The following HTR2C variants were observed in gnomAD, a reference collection of about 807,000 sequenced individuals.
HTR2C encodes 5-hydroxytryptamine (serotonin) receptor 2C, G protein-coupled.
A neutral mutation model predicts 21.0 loss-of-function variants in HTR2C; 5 were observed. The observed-to-expected ratio is 0.24, with a 90% CI of 0.12 to 0.50. The LOEUF is 0.50. HTR2C is among the 20% of genes least tolerant of loss of function. The pLI is 0.98. For missense variants in HTR2C, 271 were observed against 371.2 expected (o/e 0.73, Z 2.22); for synonymous variants, 150 against 145.3 (o/e 1.03, Z -0.23).
chrX:114,654,921 T>G (rs1930728288), intron 2 of HTR2C, among the ~76,000 whole-genome samples: 1 of 110,017 alleles, frequency 9.1e-6, no homozygotes, highest in African/African-American at 3.3e-5. Flanking sequence ...ATTTAAACAT[T>G]TAGTATCTAA....
intron 2 of HTR2C, among the ~76,000 whole-genome samples, chrX:114,639,782 G>A (rs1360015869): frequency 8.9e-6 from 1 of 111,914 alleles, no homozygotes; most frequent in African/African-American, 3.2e-5. Context: ...ATAAACAGCG[G>A]TAAAGGGACT....
chrX:114,885,870 T>C (rs1014462433), intron 5 of HTR2C, among the ~76,000 whole-genome samples: 10 of 111,786 alleles, frequency 8.9e-5, no homozygotes, highest in Non-Finnish European at 1.7e-4. Flanking sequence ...CTTTTAGGTC[T>C]AATTGATTTA....
intron 1 of HTR2C, among the ~76,000 whole-genome samples, chrX:114,601,481 G>A (rs1449350897): frequency 9.4e-6 from 1 of 106,729 alleles, no homozygotes; most frequent in Non-Finnish European, 1.9e-5. Flanking sequence ...GGGTCGCAAG[G>A]TGCTCAGTGG....
chrX:114,852,863 G>A (rs1602879348), intron 5 of HTR2C, among the ~76,000 whole-genome samples: 2 of 110,133 alleles, frequency 1.8e-5, no homozygotes, highest in Admixed American at 9.8e-5. Context: ...GCATGTGTGT[G>A]TTTCATATTA....
At chrX:114,586,575 G>A (rs187380743) in intron 1 of HTR2C, among the ~76,000 whole-genome samples, 1 of 110,700 alleles carries the variant, frequency 9.0e-6, no homozygotes, top group African/African-American at 3.3e-5. Context: ...CAAAAATGAC[G>A]GTGTTTTTCT....
chrX:114,738,579 T>C (rs2069613407), intron 4 of HTR2C, among the ~76,000 whole-genome samples: 1 of 108,643 alleles, frequency 9.2e-6, no homozygotes, highest in African/African-American at 3.4e-5. Context: ...TAAGTGGGAG[T>C]TGAACAATGA....
intron 2 of HTR2C, among the ~76,000 whole-genome samples, chrX:114,628,032 G>A (rs1929448100): frequency 9.0e-6 from 1 of 111,685 alleles, no homozygotes; most frequent in Admixed American, 9.6e-5. Flanking sequence ...GAATCAATTA[G>A]ACATGACCTA....
intron 2 of HTR2C, among the ~76,000 whole-genome samples, chrX:114,716,283 A>G (rs916519957): frequency 8.9e-6 from 1 of 112,772 alleles, no homozygotes; most frequent in African/African-American, 3.2e-5. Flanking sequence ...GTATGTTTTT[A>G]AAGTATTATT....
intron 2 of HTR2C, among the ~76,000 whole-genome samples, chrX:114,638,079 T>C (rs1929919821): frequency 1.8e-5 from 2 of 111,379 alleles, no homozygotes; most frequent in African/African-American, 3.3e-5. Context: ...CTTTGCTTAA[T>C]GTAGAAAGAA....
chrX:114,753,408 A>G (rs2069781222), intron 4 of HTR2C, among the ~76,000 whole-genome samples: 2 of 112,118 alleles, frequency 1.8e-5, no homozygotes, highest in East Asian at 5.6e-4. Flanking sequence ...TACAGCAGTC[A>G]TAGGAAACTA....
At chrX:114,722,058 G>A (rs1356088720) in intron 2 of HTR2C, among the ~76,000 whole-genome samples, 5 of 109,767 alleles carry the variant, frequency 4.6e-5, no homozygotes, top group Non-Finnish European at 7.6e-5. Flanking sequence ...TGTGAAGAAA[G>A]TCCTTGGTAG....
chrX:114,735,097 G>C (rs1363296669), intron 4 of HTR2C, among the ~76,000 whole-genome samples: 1 of 110,816 alleles, frequency 9.0e-6, no homozygotes, highest in Non-Finnish European at 1.9e-5. Flanking sequence ...TTGTGGTCAA[G>C]AGTTCGAGAC....
intron 4 of HTR2C, among the ~76,000 whole-genome samples, chrX:114,787,212 A>G (rs1379371308): frequency 1.8e-5 from 2 of 112,077 alleles, no homozygotes; most frequent in Non-Finnish European, 3.8e-5. Context: ...AGAGGACTAT[A>G]TACAACACAA....
chrX:114,601,905 T>C lies in HTR2C; in HGVS notation c.-146-11910T>C, dbSNP rs781908479. On this transcript the variant is annotated intron_variant, in intron 1 of 5. Coordinates refer to ENST00000276198, the MANE Select transcript of HTR2C (RefSeq NM_000868.4). Reference sequence around the variant, plus strand: ...GGAGGGATTAAGCTGAAGGGAGGTCTTGTGGTAAGGGGTGATATTGTGGGG... The same window carrying C: ...GGAGGGATTAAGCTGAAGGGAGGTCCTGTGGTAAGGGGTGATATTGTGGGG... Among the ~76,000 whole-genome samples, 704 of 94,805 alleles carry C rather than the reference T, an allele frequency of 7.4e-3. 11 individuals carry two copies. Among genetic ancestry groups the C allele is most frequent in the African/African-American group, 0.027 (665 of 24,767 alleles). The allele number at this position is 94,805 out of a possible 115,157, so 82.3% of individuals were successfully genotyped here. A position where few individuals can be genotyped will look rare whatever the true frequency, so the allele number is the denominator to read the frequency against.
rs1307678221 is a variant in HTR2C, at chrX:114,595,526, A to C, written c.-147+10867A>C. On this transcript the variant is annotated intron_variant, in intron 1 of 5. Transcript: ENST00000276198. ...GCACGAACCACCATGCTCGGCCCTAAAATTTCATTCTATTTCCAGTACTTT... is the reference window on the plus strand; with the variant it reads ...GCACGAACCACCATGCTCGGCCCTACAATTTCATTCTATTTCCAGTACTTT... 1.8e-5 allele frequency among the ~76,000 whole-genome samples: 2 copies of C among 110,642 alleles called. 1 individual carries two copies. Among genetic ancestry groups the C allele is most frequent in the African/African-American group, 6.6e-5 (2 of 30,398 alleles).
intron 2 of HTR2C, among the ~76,000 whole-genome samples, chrX:114,704,743 A>T (rs1305570970): frequency 9.0e-6 from 1 of 110,503 alleles, no homozygotes; most frequent in East Asian, 2.9e-4. Flanking sequence ...AGGGTATTCA[A>T]TTAGGAAAAG....
chrX:114,885,850 C>T (rs1556481253), intron 5 of HTR2C, among the ~76,000 whole-genome samples: 1 of 111,307 alleles, frequency 9.0e-6, no homozygotes, highest in African/African-American at 3.2e-5. Flanking sequence ...GTAGATTGAT[C>T]TACAGATGTC....
intron 4 of HTR2C, among the ~76,000 whole-genome samples, chrX:114,814,805 T>C (rs1156634400): frequency 9.9e-6 from 1 of 101,484 alleles, no homozygotes; most frequent in Non-Finnish European, 2.0e-5. Flanking sequence ...TCATATAGTA[T>C]ATATCATATA....
chrX:114,860,641 A>G (rs1286645428), intron 5 of HTR2C, among the ~76,000 whole-genome samples: 1 of 110,983 alleles, frequency 9.0e-6, no homozygotes, highest in African/African-American at 3.3e-5. Flanking sequence ...TTTCTTTATT[A>G]TTCTTTCTTT....
Sources: allele counts gnomAD v4.1 joint callset (sites outside exome capture counted in the v4.1 genomes callset), GRCh38; gene constraint gnomAD v4.1.1; transcripts MANE v1.5; gene names NCBI Gene and HGNC (gene_info 2026-07-23, HGNC 2026-07-21).